ME3: variants seen among roughly 807,000 people sequenced by gnomAD.
ME3 encodes the protein malic enzyme 3, also known as NADP-dependent malic enzyme, mitochondrial.
A neutral mutation model predicts 68.9 loss-of-function variants in ME3; 48 were observed. The ratio of observed to expected loss-of-function variants is 0.70; its 90% CI spans 0.55 to 0.89. ME3 has a LOEUF of 0.89. Among genes scored for constraint, ME3 ranks in the 40% least tolerant of loss-of-function variants. The pLI is 0.00. For missense variants in ME3, 675 were observed against 797.4 expected, an observed-to-expected ratio of 0.85 and a Z score of 1.85; for synonymous variants, 320 against 318.8, an observed-to-expected ratio of 1.00 and a Z score of -0.04.
In ME3 at chr11:86,571,845, C is replaced by G. The variant is rs2139553364; in HGVS notation, c.184-12022G>C. On this transcript the variant is annotated intron_variant, in intron 2 of 14. Transcript: ENST00000543262. ...AATGCAAGGGAAGGGCCCTAAGGGC[C>G]TGTGGCCACACCTGGGAGGCAGCAG... Among the ~76,000 whole-genome samples, 4 of 152,308 alleles carry G rather than the reference C, an allele frequency of 2.6e-5. 1 individual carries two copies. Among genetic ancestry groups the G allele is most frequent in the Admixed American group, 2.6e-4 (4 of 15,310 alleles).
At chr11:86,670,955 G>A (rs1946893519) in intron 2 of ME3, among the ~76,000 whole-genome samples, 1 of 152,146 alleles carries the variant, frequency 6.6e-6, no homozygotes, top group African/African-American at 2.4e-5. Flanking sequence ...GTTAATTTGA[G>A]GAGGTAGGGG....
At chr11:86,604,866 T>G (rs1961384230) in intron 2 of ME3, among the ~76,000 whole-genome samples, 1 of 152,204 alleles carries the variant, frequency 6.6e-6, no homozygotes, top group Non-Finnish European at 1.5e-5. Flanking sequence ...TGTTTTAATT[T>G]AAAATTAACC....
intron 4 of ME3, among the ~76,000 whole-genome samples, chr11:86,528,731 C>G (rs911869479): frequency 6.6e-6 from 1 of 151,638 alleles, no homozygotes; most frequent in Non-Finnish European, 1.5e-5. Context: ...TACATGGAAA[C>G]TGAACAAACT....
chr11:86,631,035 G>C (rs1035340815), intron 2 of ME3, among the ~76,000 whole-genome samples: 1 of 152,250 alleles, frequency 6.6e-6, no homozygotes, highest in African/African-American at 2.4e-5. Context: ...GACCAACCGA[G>C]TCACAGATGA....
intron 2 of ME3, among the ~76,000 whole-genome samples, chr11:86,655,761 A>G (rs1945822357): frequency 6.6e-6 from 1 of 151,800 alleles, no homozygotes; most frequent in East Asian, 1.9e-4. Flanking sequence ...ATCTAATTAA[A>G]CTAAAGAGCT....
At chr11:86,510,257 A>G (rs1490500437) in intron 4 of ME3, among the ~76,000 whole-genome samples, 1 of 152,168 alleles carries the variant, frequency 6.6e-6, no homozygotes, top group Non-Finnish European at 1.5e-5. Context: ...CCTAAGTGCA[A>G]TGAACACTCA....
chr11:86,653,392 T>C (rs1945611494), intron 2 of ME3, among the ~76,000 whole-genome samples: 1 of 152,206 alleles, frequency 6.6e-6, no homozygotes, highest in South Asian at 2.1e-4. Context: ...TATAACAAAC[T>C]GTCTCTCAGA....
intron 2 of ME3, among the ~76,000 whole-genome samples, chr11:86,579,012 A>G (rs796879027): frequency 3.3e-5 from 5 of 152,154 alleles, no homozygotes; most frequent in African/African-American, 1.2e-4. Context: ...TTTGAGTTCT[A>G]TTTCACCTTG....
chr11:86,607,928 T>C (rs1198313660), intron 2 of ME3, among the ~76,000 whole-genome samples: 1 of 152,134 alleles, frequency 6.6e-6, no homozygotes, highest in Non-Finnish European at 1.5e-5. Flanking sequence ...CTTTCTGGCA[T>C]GTTGGGACAC....
chr11:86,468,021 C>G (rs930874127), intron 7 of ME3, among the ~76,000 whole-genome samples: 2 of 152,136 alleles, frequency 1.3e-5, no homozygotes, highest in Non-Finnish European at 2.9e-5. Context: ...GGGTAACCAT[C>G]CCCTGGCTGC....
At chr11:86,664,684 T>TGG (rs1946484738) in intron 2 of ME3, among the ~76,000 whole-genome samples, 1 of 151,920 alleles carries the variant, frequency 6.6e-6, no homozygotes, top group South Asian at 2.1e-4. Context: ...GGACTCAGAG[T>TGG]GGAGGGTGGG....
In ME3 at chr11:86,528,117, C is replaced by G. The variant is rs571499306; in HGVS notation, c.468-19250G>C. On this transcript the variant is annotated intron_variant, in intron 4 of 14. Transcript: ENST00000543262. ...TGCTGTATTCAGGAAACCCATCTCA[C>G]GTGCATAGACACATATAGGCTTAAA... 3.3e-5 allele frequency among the ~76,000 whole-genome samples: 5 copies of G among 152,234 alleles called. No individual in the cohort carries two copies. The East Asian group carries it at 9.6e-4, about 29-fold the overall frequency.
At chr11:86,487,877 C>T (rs1222723658) in intron 6 of ME3, among the ~76,000 whole-genome samples, 1 of 152,182 alleles carries the variant, frequency 6.6e-6, no homozygotes, top group African/African-American at 2.4e-5. Flanking sequence ...GCAGTTGTGG[C>T]CATCAAAAAT....
Position 86,512,018 on chromosome 11 carries a change from A to G in ME3, c.468-3151T>C, listed in dbSNP as rs187120906. On this transcript the variant is annotated intron_variant, in intron 4 of 14. Coordinates refer to ENST00000543262, the Ensembl canonical transcript of ME3. Reference sequence around the variant, plus strand: ...CATTCCCTAGCCTCCTGCCCACCAAATTATCCATAAAATCCCTAGCCTCTG... The same window carrying G: ...CATTCCCTAGCCTCCTGCCCACCAAGTTATCCATAAAATCCCTAGCCTCTG... 4.6e-5 allele frequency among the ~76,000 whole-genome samples: 7 copies of G among 152,062 alleles called. No individual in the cohort carries two copies. In the East Asian group the frequency reaches 7.7e-4, roughly 17 times the overall value.
intron 2 of ME3, among the ~76,000 whole-genome samples, chr11:86,582,755 T>C (rs1456425884): frequency 6.6e-6 from 1 of 151,890 alleles, no homozygotes; most frequent in Non-Finnish European, 1.5e-5. Flanking sequence ...TAGTGAGATC[T>C]CTTTCCCCCT....
intron 6 of ME3, among the ~76,000 whole-genome samples, chr11:86,493,022 T>C (rs1279713812): frequency 6.6e-6 from 1 of 152,166 alleles, no homozygotes; most frequent in Non-Finnish European, 1.5e-5. Context: ...CAGCTAAGCC[T>C]GGGGTAAGAT....
intron 8 of ME3, among the ~76,000 whole-genome samples, chr11:86,458,914 C>T (rs75805862): frequency 1.4e-3 from 220 of 152,326 alleles, no homozygotes; most frequent in Admixed American, 5.9e-3. Flanking sequence ...CACACCTTCC[C>T]TCTCCAACAA....
intron 2 of ME3, among the ~76,000 whole-genome samples, chr11:86,608,859 G>A (rs1281241397): frequency 1.3e-5 from 2 of 152,178 alleles, no homozygotes; most frequent in Admixed American, 1.3e-4. Context: ...AATGAAGAAA[G>A]TAAAAATTCC....
intron 2 of ME3, among the ~76,000 whole-genome samples, chr11:86,631,290 C>A (rs529751776): frequency 1.3e-5 from 2 of 152,280 alleles, no homozygotes; most frequent in South Asian, 4.2e-4. Flanking sequence ...TGCTCTCCTG[C>A]CTCCCCCTTC....
Sources: allele counts gnomAD v4.1 joint callset (sites outside exome capture counted in the v4.1 genomes callset), GRCh38; gene constraint gnomAD v4.1.1; transcripts MANE v1.5; gene names NCBI Gene and HGNC (gene_info 2026-07-23, HGNC 2026-07-21).